The following ERC2 variants were observed in gnomAD, a reference collection of about 807,000 sequenced individuals.
The protein encoded by ERC2 is ERC protein 2.
In ERC2, 42 loss-of-function variants were observed where a neutral mutation model predicts 114.8. The observed-to-expected ratio is 0.37, with a 90% confidence interval of 0.29 to 0.47. ERC2 has a LOEUF of 0.47. ERC2 is among the 20% of genes least tolerant of loss of function. The pLI is 0.99. For synonymous variants in ERC2, 454 were observed against 425.5 expected, an observed-to-expected ratio of 1.07 and a Z score of -0.82; for missense variants, 939 against 1,150.7, an observed-to-expected ratio of 0.82 and a Z score of 2.66.
intron 2 of ERC2, among the ~76,000 whole-genome samples, chr3:56,362,954 C>T (rs991586674): frequency 3.3e-5 from 5 of 152,200 alleles, no homozygotes; most frequent in Admixed American, 2.6e-4. Flanking sequence ...TCCTCATCAC[C>T]TGGTCTCCTT....
intron 13 of ERC2, among the ~76,000 whole-genome samples, chr3:55,949,844 C>G (rs1192809840): frequency 2.6e-5 from 4 of 152,096 alleles, no homozygotes; most frequent in African/African-American, 9.7e-5. Flanking sequence ...ACTCCTTGGC[C>G]AAAAATAAGG....
At chr3:56,120,339 AC>A (rs1291601555) in intron 6 of ERC2, among the ~76,000 whole-genome samples, 4 of 152,126 alleles carry the variant, frequency 2.6e-5, no homozygotes, top group Non-Finnish European at 5.9e-5. Context: ...TGATATAAAA[AC>A]CCATGGATTT....
intron 14 of ERC2, among the ~76,000 whole-genome samples, chr3:55,778,093 A>G (rs1028460898): frequency 2.0e-5 from 3 of 152,116 alleles, no homozygotes; most frequent in African/African-American, 7.2e-5. Flanking sequence ...ATTTAAAAAA[A>G]TTTTTTTCAC....
chr3:56,426,996 T>TAA lies in ERC2; in HGVS notation c.657+7353_657+7354dup, dbSNP rs537295354. Among the ~76,000 whole-genome samples the TAA allele has an allele frequency of 8.8e-4, 70 of 79,546 alleles. 1 individual carries two copies. The highest frequency in any genetic ancestry group is 3.3e-3 in the East Asian group (9 of 2,712). 52.2% of individuals were successfully genotyped at this position (79,546 alleles called of 152,430 possible). A position where few individuals can be genotyped will look rare whatever the true frequency, so the allele number is the denominator to read the frequency against. Reference sequence around the variant, plus strand: ...GGGAAACATGGCAAAACCTCATCTCTAAAAAAAAAAAAAAAAAAAAAAAAA... The same window carrying TAA: ...GGGAAACATGGCAAAACCTCATCTCTAAAAAAAAAAAAAAAAAAAAAAAAAAA... On this transcript the variant is annotated intron_variant, in intron 2 of 17. Coordinates refer to ENST00000288221, the MANE Select transcript of ERC2 (RefSeq NM_015576.3).
intron 2 of ERC2, among the ~76,000 whole-genome samples, chr3:56,344,036 C>T (rs182059973): frequency 3.3e-5 from 5 of 152,274 alleles, no homozygotes; most frequent in Admixed American, 2.0e-4. Context: ...CCACCTATGC[C>T]TATGTTACTA....
intron 6 of ERC2, among the ~76,000 whole-genome samples, chr3:56,086,624 C>T (rs1255308369): frequency 6.6e-6 from 1 of 151,696 alleles, no homozygotes; most frequent in Non-Finnish European, 1.5e-5. Flanking sequence ...TGGTGCAAAA[C>T]CACAAGCAGG....
intron 7 of ERC2, among the ~76,000 whole-genome samples, chr3:56,046,560 T>C (rs555696940): frequency 5.3e-5 from 8 of 152,330 alleles, no homozygotes; most frequent in African/African-American, 1.9e-4. Flanking sequence ...TTAGAACCCA[T>C]TGGAGGCCAA....
At chr3:56,037,002 G>A (rs567205716) in intron 7 of ERC2, among the ~76,000 whole-genome samples, 53 of 152,166 alleles carry the variant, frequency 3.5e-4, no homozygotes, top group African/African-American at 1.1e-3. Flanking sequence ...CAACGACAAC[G>A]ACGTCAATAA....
intron 2 of ERC2, among the ~76,000 whole-genome samples, chr3:56,391,587 C>G (rs577382095): frequency 7.2e-5 from 11 of 152,204 alleles, no homozygotes; most frequent in Admixed American, 4.6e-4. Flanking sequence ...ATTAGCAACT[C>G]AAATAAGTAG....
rs71099607 is a variant in ERC2, at chr3:55,995,329, CTCAATCAA to C, written c.2062-3087_2062-3080del. On this transcript the variant is annotated intron_variant, in intron 10 of 17. Transcript: ENST00000288221. The stretch of plus-strand genomic sequence containing the variant: ...GCCTGGCGACAGAGCGATACTCCAT[CTCAATCAA>C]TCAATCAATCAATCAATCAATCAAA... 5.4e-4 allele frequency among the ~76,000 whole-genome samples: 81 copies of C among 151,014 alleles called. No homozygotes were observed. In the South Asian group the frequency reaches 0.012, roughly 22 times the overall value.
At chr3:56,032,292 C>T (rs1335579670) in intron 7 of ERC2, among the ~76,000 whole-genome samples, 1 of 152,152 alleles carries the variant, frequency 6.6e-6, no homozygotes, top group African/African-American at 2.4e-5. Flanking sequence ...CAAACTTCAA[C>T]AGGAGATTTA....
At chr3:56,221,258 T>G (rs1466532225) in intron 3 of ERC2, among the ~76,000 whole-genome samples, 1 of 152,120 alleles carries the variant, frequency 6.6e-6, no homozygotes, top group Non-Finnish European at 1.5e-5. Context: ...TGACTAAGCA[T>G]TAGCAAGTGT....
chr3:56,375,239 G>A (rs2059496159), intron 2 of ERC2, among the ~76,000 whole-genome samples: 1 of 152,204 alleles, frequency 6.6e-6, no homozygotes, highest in Admixed American at 6.5e-5. Flanking sequence ...GGGAGAGCGG[G>A]AAAGGGATGA....
intron 2 of ERC2, among the ~76,000 whole-genome samples, chr3:56,416,369 A>T (rs563760492): frequency 6.6e-6 from 1 of 152,180 alleles, no homozygotes; most frequent in Non-Finnish European, 1.5e-5. Context: ...ATACTGGCCC[A>T]TTCCCTACAA....
At chr3:56,122,063 A>T (rs1184560917) in intron 6 of ERC2, among the ~76,000 whole-genome samples, 1 of 152,186 alleles carries the variant, frequency 6.6e-6, no homozygotes, top group Non-Finnish European at 1.5e-5. Flanking sequence ...ATAGTAACAT[A>T]GTCTGGTTCT....
At chr3:55,626,472 T>C (rs2059528522) in intron 17 of ERC2, among the ~76,000 whole-genome samples, 1 of 152,250 alleles carries the variant, frequency 6.6e-6, no homozygotes, top group Non-Finnish European at 1.5e-5. Flanking sequence ...CTGGAATCCC[T>C]GAGCAATTAT....
rs544895651 is a variant in ERC2 at position 56,425,909 on chromosome 3, G to T, written c.657+8442C>A. Among the ~76,000 whole-genome samples, 104 of 152,276 alleles carry T rather than the reference G, an allele frequency of 6.8e-4. 1 individual carries two copies. The Middle Eastern group carries it at 0.01, about 15-fold the overall frequency. On this transcript the variant is annotated intron_variant, in intron 2 of 17. Coordinates refer to ENST00000288221, the MANE Select transcript of ERC2 (RefSeq NM_015576.3). Reference sequence around the variant, plus strand: ...GAGGCAGGTCATTGCTGCTGTTGGTGCAATTTCTCAGAGATGGCAGCTCAC... The same window carrying T: ...GAGGCAGGTCATTGCTGCTGTTGGTTCAATTTCTCAGAGATGGCAGCTCAC...
At chr3:55,728,256 A>T (rs896104226) in intron 15 of ERC2, among the ~76,000 whole-genome samples, 1 of 152,192 alleles carries the variant, frequency 6.6e-6, no homozygotes, top group African/African-American at 2.4e-5. Context: ...GTCCTTATGG[A>T]GCTCAAAAAC....
chr3:56,363,154 T>C (rs1357479959), intron 2 of ERC2, among the ~76,000 whole-genome samples: 1 of 152,106 alleles, frequency 6.6e-6, no homozygotes, highest in Non-Finnish European at 1.5e-5. Context: ...TGGATCAAGA[T>C]GGAAAGGAAT....
Sources: gnomAD v4.1 joint callset for allele counts (sites outside exome capture counted in the v4.1 genomes callset) on GRCh38, gnomAD v4.1.1 for gene constraint, MANE v1.5 for transcripts, NCBI Gene and HGNC (gene_info 2026-07-23, HGNC 2026-07-21) for gene names.